The following ATP10A variants were observed in gnomAD, a reference collection of about 807,000 sequenced individuals.
The protein encoded by ATP10A is phospholipid-transporting ATPase VA.
Under a neutral mutation model 147.8 loss-of-function variants are expected in ATP10A, and 111 were observed. The ratio of observed to expected loss-of-function variants is 0.75; its 90% confidence interval spans 0.64 to 0.88. The LOEUF is 0.88. Ranked by LOEUF, ATP10A falls within the 40% of genes least tolerant of loss-of-function variation. ATP10A has a pLI of 0.00. For synonymous variants in ATP10A, 875 were observed against 841.6 expected (o/e 1.04, Z -0.69); for missense variants, 1,927 against 1,959.0 (o/e 0.98, Z 0.31).
At chr15:25,824,799 G>A (rs1300111719) in intron 1 of ATP10A, among the ~76,000 whole-genome samples, 1 of 152,132 alleles carries the variant, frequency 6.6e-6, no homozygotes, top group Non-Finnish European at 1.5e-5. Context: ...TAAGAACAGT[G>A]AGCTTTGTAG....
At chr15:25,691,601 C>T (rs1900037870) in intron 15 of ATP10A, 114 bp downstream of exon 15, 2 of 1,061,806 alleles carry the variant, frequency 1.9e-6, no homozygotes, top group African/African-American at 1.6e-5. Context: ...TAAGGGCAAA[C>T]CCTTTAGCCT....
intron 2 of ATP10A, among the ~76,000 whole-genome samples, chr15:25,739,946 C>T (rs970171381): frequency 2.6e-5 from 4 of 152,152 alleles, no homozygotes; most frequent in Admixed American, 2.0e-4. Context: ...TCCAGGGATG[C>T]CCAGAGCCCT....
intron 6 of ATP10A, among the ~76,000 whole-genome samples, chr15:25,723,128 C>T (rs1248092610): frequency 6.6e-6 from 1 of 152,048 alleles, no homozygotes; most frequent in Non-Finnish European, 1.5e-5. Context: ...GTGGGTGGAT[C>T]ACTTGAGGTC....
At chr15:25,695,444 C>G (rs561449180) in intron 13 of ATP10A, among the ~76,000 whole-genome samples, 1 of 151,882 alleles carries the variant, frequency 6.6e-6, no homozygotes, top group African/African-American at 2.4e-5. Flanking sequence ...CTGGCTAACA[C>G]GGTGAAACCC....
At chr15:25,692,620 A>G (rs1162284064) in intron 14 of ATP10A, among the ~76,000 whole-genome samples, 2 of 152,196 alleles carry the variant, frequency 1.3e-5, no homozygotes, top group Non-Finnish European at 2.9e-5. Flanking sequence ...TGATCAGTTA[A>G]TATATATCAA....
chr15:25,673,968 C>T (rs1203950802), downstream of ATP10A, among the ~76,000 whole-genome samples: 1 of 152,182 alleles, frequency 6.6e-6, no homozygotes, highest in Non-Finnish European at 1.5e-5. Context: ...TATTTCCCGG[C>T]TCCAGCTGTG....
intron 2 of ATP10A, among the ~76,000 whole-genome samples, chr15:25,770,716 G>A (rs1031511351): frequency 1.2e-4 from 19 of 152,106 alleles, no homozygotes; most frequent in African/African-American, 4.6e-4. Context: ...ATCATCCAAC[G>A]CCCCAGGGAC....
chr15:25,765,167 G>C (rs11161216), intron 2 of ATP10A, among the ~76,000 whole-genome samples: 1 of 151,896 alleles, frequency 6.6e-6, no homozygotes, highest in African/African-American at 2.4e-5. Context: ...CACAACACAG[G>C]GGGGCGGGGC....
At chr15:25,769,640 TTCA>T (rs1196264184) in intron 2 of ATP10A, among the ~76,000 whole-genome samples, 4 of 152,180 alleles carry the variant, frequency 2.6e-5, no homozygotes, top group African/African-American at 9.6e-5. Context: ...TAGCTGTAGG[TTCA>T]TCATGAGAAA....
chr15:25,745,691 C>A (rs763438807), intron 2 of ATP10A, among the ~76,000 whole-genome samples: 2 of 152,128 alleles, frequency 1.3e-5, no homozygotes, highest in Admixed American at 6.5e-5. Flanking sequence ...ATAATAATGT[C>A]TTTGGCAATT....
chr15:25,849,653 C>T lies in ATP10A; in HGVS notation c.449+12995G>A, dbSNP rs184535080. Among the ~76,000 whole-genome samples the T allele has an allele frequency of 3.9e-5, 6 of 152,262 alleles. No individual in the cohort carries two copies. In the East Asian group the frequency reaches 1.2e-3, roughly 30 times the overall value. On this transcript the variant is annotated intron_variant, in intron 1 of 20. Coordinates refer to ENST00000555815, the MANE Select transcript of ATP10A (RefSeq NM_024490.4). ...ATTTAACCGTGATCAAGGAGGAGCA[C>T]GGCGCAGCTGCAGGACTGAGCTCAA...
At chr15:25,821,415 C>A (rs1008669372) in intron 1 of ATP10A, among the ~76,000 whole-genome samples, 8 of 141,542 alleles carry the variant, frequency 5.7e-5, no homozygotes, top group East Asian at 2.0e-4. Context: ...AAAAAACAAA[C>A]AAAAAAAGCA....
intron 3 of ATP10A, among the ~76,000 whole-genome samples, chr15:25,729,788 C>A (rs1902840553): frequency 6.6e-6 from 1 of 152,132 alleles, no homozygotes; most frequent in African/African-American, 2.4e-5. Context: ...CACTCCCAGG[C>A]CCCCCACCCA....
upstream of ATP10A, among the ~76,000 whole-genome samples, chr15:25,864,409 T>C (rs1262597817): frequency 6.6e-6 from 1 of 152,214 alleles, no homozygotes; most frequent in Non-Finnish European, 1.5e-5. Flanking sequence ...GGCCCCAGGC[T>C]CTTCCTGGGG....
At chr15:25,784,259 C>T (rs1306357048) in intron 1 of ATP10A, among the ~76,000 whole-genome samples, 2 of 152,086 alleles carry the variant, frequency 1.3e-5, no homozygotes, top group African/African-American at 4.8e-5. Context: ...GCGGGGCAGG[C>T]TTTGTTGCGA....
intron 5 of ATP10A, among the ~76,000 whole-genome samples, chr15:25,725,296 C>A (rs1286723972): frequency 1.3e-5 from 2 of 152,172 alleles, no homozygotes; most frequent in Non-Finnish European, 2.9e-5. Flanking sequence ...CTTCATAAAA[C>A]CAGTCCTTGG....
rs190042818 is a variant in ATP10A, at chr15:25,860,226, T to C, written c.449+2422A>G. Among the ~76,000 whole-genome samples the C allele has an allele frequency of 2.8e-3, 432 of 151,760 alleles. 3 individuals carry two copies. Among genetic ancestry groups the C allele is most frequent in the Non-Finnish European group, 4.9e-3 (334 of 67,930 alleles). On this transcript the variant is annotated intron_variant, in intron 1 of 20. Transcript: ENST00000555815. ...GACCCTGTCCACCCCCCGCCCCCGA[T>C]CTCTCACTGCAGCACCCACTCTCTG...
chr15:25,787,618 A>T (rs537186998), intron 1 of ATP10A, among the ~76,000 whole-genome samples: 315 of 128,772 alleles, frequency 2.4e-3, no homozygotes, highest in African/African-American at 8.5e-3. Context: ...TCTTAAAAAA[A>T]AAAAAAAAAA....
At chr15:25,718,500 G>A (rs1440438285) in intron 7 of ATP10A, 101 bp from the exon 8 acceptor site, 3 of 1,252,154 alleles carry the variant, frequency 2.4e-6, no homozygotes, top group Non-Finnish European at 2.2e-6. Flanking sequence ...CTTCCGGCAG[G>A]GCAGCCCCAC....
Sources: allele counts gnomAD v4.1 joint callset (sites outside exome capture counted in the v4.1 genomes callset), GRCh38; gene constraint gnomAD v4.1.1; transcripts MANE v1.5; gene names NCBI Gene and HGNC (gene_info 2026-07-23, HGNC 2026-07-21).